NKAIN3: variants seen among roughly 807,000 people sequenced by gnomAD.
NKAIN3 encodes sodium/potassium-transporting ATPase subunit beta-1-interacting protein 3.
NKAIN3 carries 25 observed loss-of-function variants against 30.2 expected under a neutral mutation model. The observed-to-expected ratio is 0.83, with a 90% CI of 0.60 to 1.16. The LOEUF is 1.16. Among genes scored for constraint, NKAIN3 ranks in the 50% most tolerant of loss-of-function variants. NKAIN3 has a pLI of 0.00. For missense variants in NKAIN3, 225 were observed against 254.1 expected (o/e 0.89, Z 0.78); for synonymous variants, 91 against 89.6 (o/e 1.02, Z -0.09).
chr8:62,261,343 A>G (rs1399572200), intron 1 of NKAIN3, among the ~76,000 whole-genome samples: 1 of 152,214 alleles, frequency 6.6e-6, no homozygotes, highest in Non-Finnish European at 1.5e-5. Context: ...TGCACATTGC[A>G]TAACTGATTT....
intron 1 of NKAIN3, among the ~76,000 whole-genome samples, chr8:62,386,578 G>A (rs551970060): frequency 6.6e-6 from 1 of 152,212 alleles, no homozygotes; most frequent in Non-Finnish European, 1.5e-5. Flanking sequence ...TAAAAATAAT[G>A]AATACATGAA....
Position 62,967,354 on chromosome 8 carries a change from G to A in NKAIN3, c.*1947G>A, listed in dbSNP as rs1823737366. On this transcript the variant is annotated 3_prime_UTR_variant, in exon 7 of 7. Transcript: ENST00000623646. ...TACAGTTTTCCTCATCAATGAAGTG[G>A]AACTATGATCCCTACCTCCCAAAGG... 6.6e-6 allele frequency among the ~76,000 whole-genome samples: 1 copy of A among 152,212 alleles called. No homozygotes were observed. The highest frequency in any genetic ancestry group is 3.4e-3 in the Middle Eastern group (1 of 294).
intron 1 of NKAIN3, among the ~76,000 whole-genome samples, chr8:62,554,731 T>G (rs1809330196): frequency 6.6e-6 from 1 of 152,038 alleles, no homozygotes; most frequent in African/African-American, 2.4e-5. Flanking sequence ...ATCACAAAAT[T>G]TTCCAAAGAT....
At chr8:62,824,850 A>C (rs7000089) in intron 4 of NKAIN3, among the ~76,000 whole-genome samples, 2,338 of 152,252 alleles carry the variant, frequency 0.015, 72 homozygotes, top group African/African-American at 0.053. Context: ...CTGATGCCAC[A>C]TGCCATTTAC....
intron 1 of NKAIN3, among the ~76,000 whole-genome samples, chr8:62,265,113 A>G (rs1278773040): frequency 1.3e-5 from 2 of 152,212 alleles, no homozygotes; most frequent in African/African-American, 4.8e-5. Flanking sequence ...GGAGTTTGGC[A>G]TTAATTTTAA....
intron 1 of NKAIN3, among the ~76,000 whole-genome samples, chr8:62,522,632 G>T (rs992874924): frequency 2.0e-5 from 3 of 152,040 alleles, no homozygotes; most frequent in Non-Finnish European, 4.4e-5. Flanking sequence ...TGATGATCCT[G>T]ACCCTGTGTA....
At chr8:62,963,773 G>T (rs1343608045) in intron 6 of NKAIN3, among the ~76,000 whole-genome samples, 1 of 152,174 alleles carries the variant, frequency 6.6e-6, no homozygotes, top group African/African-American at 2.4e-5. Context: ...ACAGGGAGAG[G>T]CCTGGAGGAT....
At position 62,853,747 on chromosome 8, in the gene NKAIN3, G is replaced by T. The variant is rs756845692; in HGVS notation, c.472-64706G>T. 6.6e-4 allele frequency among the ~76,000 whole-genome samples: 100 copies of T among 151,998 alleles called. No individual in the cohort carries two copies. The Middle Eastern group carries it at 0.01, about 16-fold the overall frequency. On this transcript the variant is annotated intron_variant, in intron 4 of 6. Transcript: ENST00000623646. Reference sequence around the variant, plus strand: ...TGTTGGTTATTTTTGCTAGCTTTCAGGTTTGTGTGCTCTTGGTTCTCTGGT... The same window carrying T: ...TGTTGGTTATTTTTGCTAGCTTTCATGTTTGTGTGCTCTTGGTTCTCTGGT...
intron 1 of NKAIN3, among the ~76,000 whole-genome samples, chr8:62,501,201 A>G (rs1358947671): frequency 4.6e-5 from 7 of 152,126 alleles, no homozygotes; most frequent in Non-Finnish European, 1.5e-5. Context: ...ATGAAATTAT[A>G]TTGAATATAT....
chr8:62,689,122 T>C lies in NKAIN3; in HGVS notation c.274-57810T>C, dbSNP rs1813884930. ...ATAAGTTTTAAGAGAAACTACAATT[T>C]ATTTCCTTTTGGAAACTTATTTTTA... On this transcript the variant is annotated intron_variant, in intron 3 of 6. Transcript: ENST00000623646. Among the ~76,000 whole-genome samples, 9 of 152,344 alleles carry C rather than the reference T, an allele frequency of 5.9e-5. No individual in the cohort carries two copies. In the South Asian group the frequency reaches 1.7e-3, roughly 28 times the overall value.
intron 1 of NKAIN3, among the ~76,000 whole-genome samples, chr8:62,373,794 C>A (rs1322477499): frequency 2.0e-5 from 3 of 152,098 alleles, no homozygotes; most frequent in Admixed American, 6.6e-5. Context: ...AAGCTGTAAA[C>A]TGAATCCCAA....
intron 3 of NKAIN3, 129 bp from the exon 4 acceptor site, chr8:62,746,803 G>C: frequency 1.6e-6 from 1 of 630,824 alleles, no homozygotes; most frequent in Non-Finnish European, 2.7e-6. Context: ...TTTGTCTTTT[G>C]TTACTTTTCA....
intron 1 of NKAIN3, among the ~76,000 whole-genome samples, chr8:62,357,198 G>T (rs1252377553): frequency 1.3e-5 from 2 of 152,164 alleles, no homozygotes; most frequent in African/African-American, 4.8e-5. Context: ...ACTGAGGCCA[G>T]GAGTTTGAGA....
intron 3 of NKAIN3, among the ~76,000 whole-genome samples, chr8:62,670,879 G>GCACACACACACA (rs57917158): frequency 1.8e-4 from 26 of 142,084 alleles, no homozygotes; most frequent in African/African-American, 5.2e-4. Context: ...ACACATACAA[G>GCACACACACACA]CACACACACA....
intron 1 of NKAIN3, among the ~76,000 whole-genome samples, chr8:62,305,718 A>T (rs1471549011): frequency 6.6e-6 from 1 of 150,400 alleles, no homozygotes; most frequent in African/African-American, 2.5e-5. Flanking sequence ...AAGTGTGATG[A>T]TGGATGGAAA....
chr8:62,783,705 G>C (rs1817428491), intron 4 of NKAIN3, among the ~76,000 whole-genome samples: 1 of 150,036 alleles, frequency 6.7e-6, no homozygotes, highest in Non-Finnish European at 1.5e-5. Flanking sequence ...CAACCTCCTG[G>C]GCTCAAGCAA....
chr8:62,888,484 A>G (rs1179180259), intron 4 of NKAIN3, among the ~76,000 whole-genome samples: 1 of 152,166 alleles, frequency 6.6e-6, no homozygotes, highest in Non-Finnish European at 1.5e-5. Flanking sequence ...TACCCGGTTT[A>G]GGTTTCTGTT....
intron 4 of NKAIN3, among the ~76,000 whole-genome samples, chr8:62,748,349 A>AGG (rs1221877071): frequency 2.0e-5 from 3 of 152,174 alleles, no homozygotes. Flanking sequence ...TTCTGGGAAA[A>AGG]AAAAAAAATT....
At chr8:62,497,373 C>T (rs16929057) in intron 1 of NKAIN3, among the ~76,000 whole-genome samples, 10,956 of 151,488 alleles carry the variant, frequency 0.072, 492 homozygotes, top group African/African-American at 0.13. Context: ...AACAATGATA[C>T]TTGAAGCAAT....
Sources: allele counts gnomAD v4.1 joint callset (sites outside exome capture counted in the v4.1 genomes callset), GRCh38; gene constraint gnomAD v4.1.1; transcripts MANE v1.5; gene names NCBI Gene and HGNC (gene_info 2026-07-23, HGNC 2026-07-21).